Variants in ECT2 observed in about 807,000 individuals in gnomAD.
ECT2 encodes epithelial cell transforming 2.
In ECT2, 61 loss-of-function variants were observed where a neutral mutation model predicts 116.9. The observed-to-expected ratio is 0.52, with a 90% CI of 0.42 to 0.65. The LOEUF is 0.65. Ranked by LOEUF, ECT2 falls within the 30% of genes least tolerant of loss-of-function variation. The probability of loss-of-function intolerance (pLI) is 0.00; values close to 1 mark genes in which losing one functional copy is unlikely to be tolerated. For missense variants in ECT2, 937 were observed against 1,078.7 expected (o/e 0.87, Z 1.84); for synonymous variants, 358 against 346.4 (o/e 1.03, Z -0.37).
chr3:172,822,146 T>G (rs1385031863), downstream of ECT2, among the ~76,000 whole-genome samples: 1 of 151,936 alleles, frequency 6.6e-6, no homozygotes, highest in East Asian at 1.9e-4. Flanking sequence ...CAAGGTTAGT[T>G]CAATATCGGA....
Position 172,802,914 on chromosome 3 carries a change from T to C in ECT2, c.2040T>C (p.Ser680=). The change falls in exon 20 of 25, where the codon TCT becomes TCC. Residue 680 remains serine, a synonymous_variant. Coordinates refer to ENST00000392692, the MANE Select transcript of ECT2 (RefSeq NM_001258315.2). ...RSLVQRVETI[S]LGEHPCDRGE... ...TAGTACAGCGGGTTGAAACAATTTCTCTAGGTGAGCACCCCTGTGACAGAG... is the reference window on the plus strand; with the variant it reads ...TAGTACAGCGGGTTGAAACAATTTCCCTAGGTGAGCACCCCTGTGACAGAG... 1 of 1,613,390 alleles carries C rather than the reference T, an allele frequency of 6.2e-7. No homozygotes were observed. The highest frequency in any genetic ancestry group is 1.3e-5 in the African/African-American group (1 of 75,032).
intron 19 of ECT2, 43 bp downstream of exon 19, chr3:172,802,737 G>C (rs771347134): frequency 1.3e-6 from 2 of 1,521,642 alleles, no homozygotes; most frequent in Non-Finnish European, 1.8e-6. Flanking sequence ...TTTTCTTCTT[G>C]TTAATGAGGT....
intron 6 of ECT2, 151 bp downstream of exon 6, chr3:172,759,220 A>G (rs1717719432): frequency 3.5e-6 from 2 of 565,650 alleles, no homozygotes; most frequent in East Asian, 3.1e-5. Flanking sequence ...TTCTGAAGAA[A>G]CAAATCCTGA....
chr3:172,770,251 C>T (rs1720357337), intron 13 of ECT2, among the ~76,000 whole-genome samples: 1 of 152,030 alleles, frequency 6.6e-6, no homozygotes, highest in Non-Finnish European at 1.5e-5. Flanking sequence ...GCAAAAAATC[C>T]CTTTGGCATA....
chr3:172,768,680 A>T (rs750381174), intron 12 of ECT2, among the ~76,000 whole-genome samples: 1 of 152,162 alleles, frequency 6.6e-6, no homozygotes, highest in African/African-American at 2.4e-5. Context: ...CTATGATCCA[A>T]TCCAGGATAC....
rs371121207 is a variant in ECT2 at position 172,804,922 on chromosome 3, C to T, written c.2107-809C>T. 2.5e-3 allele frequency among the ~76,000 whole-genome samples: 379 copies of T among 152,036 alleles called. 3 individuals carry two copies. Among genetic ancestry groups the T allele is most frequent in the African/African-American group, 8.7e-3 (362 of 41,496 alleles). On this transcript the variant is annotated intron_variant, in intron 20 of 24. Coordinates refer to ENST00000392692, the MANE Select transcript of ECT2 (RefSeq NM_001258315.2). ...TTTTTGTTCTATCCCTTTTAGCCTC[C>T]CTGTCTTAGAATCACTTCAACAAAA...
intron 17 of ECT2, 77 bp downstream of exon 17, chr3:172,784,880 T>A: frequency 1.1e-6 from 1 of 939,284 alleles, no homozygotes; most frequent in South Asian, 2.0e-5. Flanking sequence ...GAATTTCTTC[T>A]CATTTTTAGA....
At chr3:172,814,049 A>G (rs1729253335) in intron 22 of ECT2, among the ~76,000 whole-genome samples, 1 of 152,100 alleles carries the variant, frequency 6.6e-6, no homozygotes, top group Admixed American at 6.6e-5. Context: ...CAATATTGAC[A>G]TTTACAAGTA....
chr3:172,771,977 C>G (rs183713308), intron 13 of ECT2, among the ~76,000 whole-genome samples: 1 of 152,106 alleles, frequency 6.6e-6, no homozygotes, highest in Non-Finnish European at 1.5e-5. Flanking sequence ...TGGGTTGTTT[C>G]CTTCTGAGTT....
chr3:172,752,021 C>G (rs997132645), intron 1 of ECT2: 1 of 151,924 alleles, frequency 6.6e-6, no homozygotes, highest in Non-Finnish European at 1.5e-5. Flanking sequence ...CATCTGCTTT[C>G]GATCATCTGC....
intron 21 of ECT2, among the ~76,000 whole-genome samples, chr3:172,806,317 A>G (rs1233033879): frequency 6.6e-6 from 1 of 151,808 alleles, no homozygotes; most frequent in Non-Finnish European, 1.5e-5. Context: ...TGGGTGCAAT[A>G]AATAAACTCA....
chr3:172,818,438 A>T (rs1328680146), intron 24 of ECT2: 2 of 593,572 alleles, frequency 3.4e-6, no homozygotes, highest in Non-Finnish European at 4.3e-6. Flanking sequence ...TTAGAAAATT[A>T]ATTTATTTAT....
At chr3:172,809,031 G>A (rs1447486491) in intron 22 of ECT2, among the ~76,000 whole-genome samples, 1 of 151,972 alleles carries the variant, frequency 6.6e-6, no homozygotes, top group African/African-American at 2.4e-5. Flanking sequence ...AAATGATGGA[G>A]ACCACTTTTG....
chr3:172,774,146 G>A (rs112957790), intron 14 of ECT2, 124 bp downstream of exon 14: 13 of 847,098 alleles, frequency 1.5e-5, no homozygotes, highest in Non-Finnish European at 2.2e-5. Context: ...TCCCTTATTA[G>A]TTCCTTTGAA....
chr3:172,794,488 C>G (rs528289071), intron 18 of ECT2, among the ~76,000 whole-genome samples: 3 of 152,240 alleles, frequency 2.0e-5, no homozygotes, highest in East Asian at 3.9e-4. Context: ...ACCACACTGC[C>G]TTGATTACTG....
intron 15 of ECT2, among the ~76,000 whole-genome samples, chr3:172,783,238 T>C (rs1480158978): frequency 6.6e-6 from 1 of 152,188 alleles, no homozygotes; most frequent in African/African-American, 2.4e-5. Context: ...ATTTATACTT[T>C]TATTTTTTGA....
chr3:172,815,319 T>C (rs1157014922), intron 22 of ECT2, among the ~76,000 whole-genome samples: 5 of 152,218 alleles, frequency 3.3e-5, no homozygotes, highest in Non-Finnish European at 2.9e-5. Flanking sequence ...TAAGTTTAAG[T>C]CTGCTAAATT....
At position 172,820,329 on chromosome 3, in the gene ECT2, G is replaced by C; in HGVS notation, c.*92G>C. ...AAATGGTACTTGTAATTAGCACTTG[G>C]TGAAAGCTGGAAGGAAGATAAATAA... On this transcript the variant is annotated 3_prime_UTR_variant, in exon 25 of 25. Coordinates refer to ENST00000392692, the MANE Select transcript of ECT2 (RefSeq NM_001258315.2). The C allele has an allele frequency of 2.4e-6, 2 of 817,568 alleles. No individual in the cohort carries two copies. The highest frequency in any genetic ancestry group is 3.6e-6 in the Non-Finnish European group (2 of 549,064). 50.6% of individuals were successfully genotyped at this position (817,568 alleles called of 1,614,324 possible). A position where few individuals can be genotyped will look rare whatever the true frequency, so the allele number is the denominator to read the frequency against.
intron 13 of ECT2, among the ~76,000 whole-genome samples, chr3:172,772,524 G>C (rs1362899354): frequency 1.3e-5 from 2 of 152,278 alleles, no homozygotes; most frequent in Admixed American, 1.3e-4. Context: ...GTGGATACTA[G>C]TCCTTTGTCA....
Sources: gnomAD v4.1 joint callset for allele counts (sites outside exome capture counted in the v4.1 genomes callset) on GRCh38, gnomAD v4.1.1 for gene constraint, MANE v1.5 for transcripts, NCBI Gene and HGNC (gene_info 2026-07-23, HGNC 2026-07-21) for gene names.